Variants in SCN11A observed in about 807,000 individuals in gnomAD.
The protein encoded by SCN11A is sodium voltage-gated channel alpha subunit 11.
SCN11A carries 122 observed loss-of-function variants against 162.2 expected under a neutral mutation model. The ratio of observed to expected loss-of-function variants is 0.75; its 90% CI spans 0.65 to 0.87. The LOEUF is 0.87. Among genes scored for constraint, SCN11A ranks in the 40% least tolerant of loss-of-function variants. SCN11A has a pLI of 0.00. For synonymous variants in SCN11A, 758 were observed against 751.5 expected (o/e 1.01, Z -0.14); for missense variants, 2,015 against 2,181.6 (o/e 0.92, Z 1.52).
chr3:38,964,666 C>T (rs931010380), intron 2 of SCN11A, among the ~76,000 whole-genome samples: 2 of 152,120 alleles, frequency 1.3e-5, no homozygotes, highest in Admixed American at 1.3e-4. Context: ...AAAGCAGGTG[C>T]AAGGGCACAC....
chr3:38,925,470 C>T lies in SCN11A; in HGVS notation c.657G>A (p.Leu219=), dbSNP rs1443310446. ...SYIPGITIKL[L]PLRTFRVFRA... ...TGAACACACGGAAGGTACGCAGGGG[C>T]AATAGTTTGATGGTGATTCCTGGAA... The change falls in exon 9 of 30, where the codon TTG becomes TTA. Residue 219 remains leucine, a synonymous_variant. Transcript: ENST00000302328. 6.2e-7 allele frequency: 1 copy of T among 1,613,780 alleles called. No individual in the cohort carries two copies. The highest frequency in any genetic ancestry group is 1.7e-5 in the Admixed American group (1 of 60,008).
intron 28 of SCN11A, among the ~76,000 whole-genome samples, chr3:38,855,414 C>T (rs2064851652): frequency 6.6e-6 from 1 of 152,214 alleles, no homozygotes; most frequent in Non-Finnish European, 1.5e-5. Flanking sequence ...ACCCTGCCCT[C>T]ACCTGATGGT....
In SCN11A at chr3:38,847,111, C is replaced by G; in HGVS notation, c.4959G>C (p.Leu1653Phe). The G allele has an allele frequency of 6.2e-7, 1 of 1,614,172 alleles. No homozygotes were observed. The highest frequency in any genetic ancestry group is 8.5e-7 in the Non-Finnish European group (1 of 1,180,036). Reference sequence around the variant, plus strand: ...GCTTTGCGACACGCAAAGGCTCAGGCAAGGCATCAGCAAAGTCAGAAAGGG... The same window carrying G: ...GCTTTGCGACACGCAAAGGCTCAGGGAAGGCATCAGCAAAGTCAGAAAGGG... ...YSALSDFADALPEPLRVAKPN... is the reference protein window; with the variant it reads ...YSALSDFADAFPEPLRVAKPN... The change falls in exon 30 of 30, where the codon TTG becomes TTC. Residue 1653 changes from leucine (L) to phenylalanine (F), a missense_variant. Transcript: ENST00000302328.
At chr3:39,019,720 T>C (rs938089688) in intron 2 of SCN11A, among the ~76,000 whole-genome samples, 3 of 152,234 alleles carry the variant, frequency 2.0e-5, no homozygotes, top group Non-Finnish European at 4.4e-5. Flanking sequence ...ATTTGTTCTT[T>C]TCATAACTTT....
chr3:38,954,397 A>T (rs1386665660), intron 3 of SCN11A, among the ~76,000 whole-genome samples: 1 of 152,174 alleles, frequency 6.6e-6, no homozygotes, highest in Non-Finnish European at 1.5e-5. Flanking sequence ...AAGACCCTGG[A>T]TGGTAAAACC....
Position 39,026,544 on chromosome 3 carries a change from C to G in SCN11A, c.-280+5836G>C, listed in dbSNP as rs77880163. On this transcript the variant is annotated intron_variant, in intron 2 of 29. Transcript: ENST00000302328. ...GACCTCTGTCAAGGAAAACCAGGGCCAGACAGAAGTTAAAGCAGTGAAGAC... is the reference window on the plus strand; with the variant it reads ...GACCTCTGTCAAGGAAAACCAGGGCGAGACAGAAGTTAAAGCAGTGAAGAC... 1.1e-3 allele frequency among the ~76,000 whole-genome samples: 162 copies of G among 151,494 alleles called. 1 individual carries two copies. Among genetic ancestry groups the G allele is most frequent in the African/African-American group, 3.9e-3 (158 of 40,804 alleles).
intron 7 of SCN11A, among the ~76,000 whole-genome samples, chr3:38,932,913 T>A (rs1575309358): frequency 6.6e-6 from 1 of 152,244 alleles, no homozygotes; most frequent in African/African-American, 2.4e-5. Context: ...ACAGGCAGAC[T>A]GCCTCCTCAA....
At chr3:39,050,991 T>C (rs1418724784) in intron 1 of SCN11A, among the ~76,000 whole-genome samples, 2 of 152,164 alleles carry the variant, frequency 1.3e-5, no homozygotes, top group African/African-American at 2.4e-5. Context: ...TTATAATTAG[T>C]GGTCAGGAAA....
intron 3 of SCN11A, among the ~76,000 whole-genome samples, chr3:38,959,456 A>G (rs1420277014): frequency 6.6e-6 from 1 of 151,786 alleles, no homozygotes; most frequent in Non-Finnish European, 1.5e-5. Flanking sequence ...AAGAGGAGAA[A>G]GCCTCACAAG....
chr3:38,929,296 A>G (rs549969687), intron 7 of SCN11A, among the ~76,000 whole-genome samples: 49 of 152,324 alleles, frequency 3.2e-4, no homozygotes, highest in Non-Finnish European at 1.9e-4. Flanking sequence ...CACATTCTAC[A>G]ACATGTATAA....
chr3:38,969,500 G>A (rs954197519), intron 2 of SCN11A, among the ~76,000 whole-genome samples: 3 of 152,168 alleles, frequency 2.0e-5, no homozygotes, highest in African/African-American at 7.2e-5. Context: ...GAGTTGAGTT[G>A]TAGTGACAGG....
intron 9 of SCN11A, 63 bp from the exon 10 acceptor site, chr3:38,921,318 A>C: frequency 6.7e-7 from 1 of 1,491,804 alleles, no homozygotes; most frequent in African/African-American, 1.4e-5. Flanking sequence ...CACAAAGGCC[A>C]AGTAAGGAGC....
At chr3:38,853,422 G>A (rs1009742206) in intron 28 of SCN11A, among the ~76,000 whole-genome samples, 13 of 152,114 alleles carry the variant, frequency 8.5e-5, no homozygotes, top group African/African-American at 2.7e-4. Context: ...CCCATAAACC[G>A]CTGGCAGATT....
chr3:38,903,683 T>C (rs564632801), intron 16 of SCN11A, among the ~76,000 whole-genome samples, 182 bp downstream of exon 16: 4 of 152,066 alleles, frequency 2.6e-5, no homozygotes, highest in Admixed American at 6.6e-5. Context: ...TCAGGACACA[T>C]GGACAGTTTC....
intron 5 of SCN11A, 138 bp from the exon 6 acceptor site, chr3:38,947,045 A>T (rs1376924643): frequency 1.3e-5 from 8 of 603,522 alleles, no homozygotes; most frequent in Non-Finnish European, 2.3e-5. Context: ...ATATTTACCC[A>T]ATGGGATACT....
intron 23 of SCN11A, among the ~76,000 whole-genome samples, chr3:38,879,250 A>G (rs1242634695): frequency 6.6e-6 from 1 of 152,228 alleles, no homozygotes; most frequent in Non-Finnish European, 1.5e-5. Context: ...GGCTATGACA[A>G]CTAAAAGAGA....
intron 2 of SCN11A, among the ~76,000 whole-genome samples, chr3:38,969,218 G>T (rs2066802477): frequency 6.6e-6 from 1 of 152,182 alleles, no homozygotes; most frequent in Admixed American, 6.5e-5. Context: ...CGAAGGGACT[G>T]GCTGGAAGTC....
At chr3:38,946,482 T>C (rs1170692401) in intron 6 of SCN11A, among the ~76,000 whole-genome samples, 2 of 152,236 alleles carry the variant, frequency 1.3e-5, no homozygotes, top group Non-Finnish European at 2.9e-5. Flanking sequence ...TGCACCTTCC[T>C]CTAAGAAGCC....
intron 14 of SCN11A, among the ~76,000 whole-genome samples, chr3:38,905,696 G>C (rs1383528056): frequency 6.6e-6 from 1 of 152,224 alleles, no homozygotes; most frequent in Non-Finnish European, 1.5e-5. Flanking sequence ...TTAAAGGTAA[G>C]AAGTGGAGTA....
Sources: allele counts gnomAD v4.1 joint callset (sites outside exome capture counted in the v4.1 genomes callset), GRCh38; gene constraint gnomAD v4.1.1; transcripts MANE v1.5; gene names NCBI Gene and HGNC (gene_info 2026-07-23, HGNC 2026-07-21).